The following SYNPR variants were observed in gnomAD, a reference collection of about 807,000 sequenced individuals.
SYNPR encodes synaptoporin.
In SYNPR, 23 loss-of-function variants were observed where a neutral mutation model predicts 32.9. That is an observed-to-expected ratio of 0.70 (90% CI 0.50 to 0.99). The LOEUF is 0.99. Among genes scored for constraint, SYNPR ranks in the 50% least tolerant of loss-of-function variants. SYNPR has a pLI of 0.00. For missense variants in SYNPR, 318 were observed against 349.3 expected, an observed-to-expected ratio of 0.91 and a Z score of 0.71; for synonymous variants, 146 against 135.9, an observed-to-expected ratio of 1.07 and a Z score of -0.52.
chr3:63,467,055 G>C (rs12637545), intron 2 of SYNPR, among the ~76,000 whole-genome samples: 4 of 151,906 alleles, frequency 2.6e-5, no homozygotes, highest in Non-Finnish European at 5.9e-5. Context: ...CTGCTGCCTA[G>C]GCCAGAGTGT....
At chr3:63,269,011 A>G (rs1015115798) in intron 3 of SYNPR, among the ~76,000 whole-genome samples, 9 of 152,242 alleles carry the variant, frequency 5.9e-5, no homozygotes, top group Non-Finnish European at 8.8e-5. Context: ...AGAAACCATT[A>G]TATATTTAAG....
At chr3:63,442,953 A>C (rs1280968611) in intron 2 of SYNPR, 1 of 902,648 alleles carries the variant, frequency 1.1e-6, no homozygotes, top group African/African-American at 1.8e-5. Context: ...ATACCCTTAA[A>C]ACACAAAATT....
chr3:63,496,647 A>G (rs146354615), intron 3 of SYNPR, among the ~76,000 whole-genome samples: 51 of 152,328 alleles, frequency 3.3e-4, no homozygotes, highest in Non-Finnish European at 4.9e-4. Context: ...CTAATATGGA[A>G]TACTACAAAT....
chr3:63,251,979 TG>T (rs2086335925), intron 1 of SYNPR, among the ~76,000 whole-genome samples: 1 of 151,932 alleles, frequency 6.6e-6, no homozygotes, highest in Non-Finnish European at 1.5e-5. Context: ...CTTGAGTTAG[TG>T]AAATGAGATA....
At chr3:63,247,143 G>A (rs1450292598) in intron 1 of SYNPR, among the ~76,000 whole-genome samples, 2 of 151,840 alleles carry the variant, frequency 1.3e-5, no homozygotes, top group Non-Finnish European at 2.9e-5. Context: ...ATTTTTAGGG[G>A]AAAAATGCCT....
chr3:63,315,964 G>A (rs1462383481), intron 2 of SYNPR, among the ~76,000 whole-genome samples: 1 of 151,980 alleles, frequency 6.6e-6, no homozygotes, highest in Non-Finnish European at 1.5e-5. Context: ...GCTGGATTTT[G>A]TTGAATACTT....
intron 2 of SYNPR, among the ~76,000 whole-genome samples, chr3:63,367,036 C>G (rs2087735607): frequency 6.6e-6 from 1 of 152,138 alleles, no homozygotes; most frequent in Non-Finnish European, 1.5e-5. Context: ...GGACAAATAC[C>G]ATTTTGCCTT....
intron 2 of SYNPR, among the ~76,000 whole-genome samples, chr3:63,361,149 A>C (rs184028899): frequency 6.3e-4 from 96 of 152,292 alleles, no homozygotes; most frequent in African/African-American, 2.3e-3. Context: ...AATCTCCAAG[A>C]GTCTCAATGG....
At chr3:63,578,194 T>C (rs1380719280) in intron 4 of SYNPR, among the ~76,000 whole-genome samples, 2 of 152,164 alleles carry the variant, frequency 1.3e-5, no homozygotes, top group African/African-American at 4.8e-5. Flanking sequence ...AGGTGGTGAT[T>C]ACCAGCGTAG....
intron 2 of SYNPR, among the ~76,000 whole-genome samples, chr3:63,412,917 T>C (rs964258528): frequency 6.6e-6 from 1 of 152,164 alleles, no homozygotes; most frequent in Non-Finnish European, 1.5e-5. Context: ...TGGATGGCTT[T>C]AATAAGAGAT....
At chr3:63,358,264 G>A (rs1440122222) in intron 2 of SYNPR, among the ~76,000 whole-genome samples, 1 of 152,216 alleles carries the variant, frequency 6.6e-6, no homozygotes, top group Non-Finnish European at 1.5e-5. Context: ...TAAAATGCAG[G>A]TGTTCACGGG....
chr3:63,457,856 C>T (rs188543630), intron 2 of SYNPR, among the ~76,000 whole-genome samples: 1 of 152,128 alleles, frequency 6.6e-6, no homozygotes, highest in East Asian at 1.9e-4. Context: ...ACATGATTAC[C>T]TTAATCTTGG....
chr3:63,209,906 T>G, the SYNPR span, among the ~76,000 whole-genome samples: 2 of 152,220 alleles, frequency 1.3e-5, no homozygotes, highest in African/African-American at 4.8e-5. Context: ...TCTTGCTCAG[T>G]GCTCCCTATA....
At chr3:63,525,497 C>A (rs762292455) in intron 3 of SYNPR, among the ~76,000 whole-genome samples, 13 of 152,186 alleles carry the variant, frequency 8.5e-5, no homozygotes, top group Non-Finnish European at 1.6e-4. Flanking sequence ...CCTTCCCTGA[C>A]CATATTTCCC....
rs370799146 is a variant in SYNPR, at chr3:63,285,347, A to G, written c.84+6605A>G. 3.4e-4 allele frequency among the ~76,000 whole-genome samples: 51 copies of G among 147,946 alleles called. No homozygotes were observed. In the South Asian group the frequency reaches 0.011, roughly 31 times the overall value. On this transcript the variant is annotated intron_variant, in intron 2 of 5. Transcript: ENST00000478300. ...CTTCGATTACAAAGGCAATAATTTA[A>G]TCTCATTTTTTATCTTTTCCTCTTT...
chr3:63,209,005 C>T, the SYNPR span, among the ~76,000 whole-genome samples: 3 of 152,080 alleles, frequency 2.0e-5, no homozygotes, highest in Non-Finnish European at 4.4e-5. Flanking sequence ...ACTCCATTCT[C>T]CTCTAACGTT....
At chr3:63,266,340 G>A (rs2086484997) in intron 2 of SYNPR, among the ~76,000 whole-genome samples, 1 of 151,878 alleles carries the variant, frequency 6.6e-6, no homozygotes, top group African/African-American at 2.4e-5. Context: ...GAAAACTCAG[G>A]TGTTTGTTGT....
chr3:63,498,772 A>G (rs184984222), intron 3 of SYNPR, among the ~76,000 whole-genome samples: 14 of 151,990 alleles, frequency 9.2e-5, no homozygotes, highest in Non-Finnish European at 1.9e-4. Context: ...TGGGCCCGAT[A>G]AGGCGTGTGA....
intron 4 of SYNPR, among the ~76,000 whole-genome samples, chr3:63,567,741 T>G (rs1032170866): frequency 6.6e-6 from 1 of 152,214 alleles, no homozygotes; most frequent in African/African-American, 2.4e-5. Context: ...TAGGAAGAGA[T>G]AGCAGGTAAA....
Sources: allele counts gnomAD v4.1 joint callset (sites outside exome capture counted in the v4.1 genomes callset), GRCh38; gene constraint gnomAD v4.1.1; transcripts MANE v1.5; gene names NCBI Gene and HGNC (gene_info 2026-07-23, HGNC 2026-07-21).